DYNLRB2: variants seen among roughly 807,000 people sequenced by gnomAD.
The protein encoded by DYNLRB2 is bithoraxoid-like protein.
A neutral mutation model predicts 12.6 loss-of-function variants in DYNLRB2; 14 were observed. The ratio of observed to expected loss-of-function variants is 1.11; its 90% CI spans 0.73 to 1.73. DYNLRB2 has a LOEUF of 1.73. DYNLRB2 is among the 40% of genes most tolerant of loss of function. The probability of loss-of-function intolerance (pLI) is 0.00; values close to 1 mark genes in which losing one functional copy is unlikely to be tolerated. For synonymous variants in DYNLRB2, 53 were observed against 37.0 expected (o/e 1.43, Z -1.57); for missense variants, 142 against 117.7 (o/e 1.21, Z -0.95).
chr16:80,547,734 G>A (rs6564764), intron 2 of DYNLRB2: 404,767 of 455,140 alleles, frequency 0.89, 184,496 homozygotes, highest in Non-Finnish European at 0.98. Flanking sequence ...TGCTTGCTAC[G>A]TTTCCATTTT....
chr16:80,544,848 C>CT (rs1904352361), intron 2 of DYNLRB2: 2 of 152,220 alleles, frequency 1.3e-5, no homozygotes, highest in African/African-American at 4.8e-5. Context: ...TCACTCCGAT[C>CT]TCTGCCGCCA....
At chr16:80,542,161 A>G (rs1489771255) in intron 1 of DYNLRB2, among the ~76,000 whole-genome samples, 2 of 152,108 alleles carry the variant, frequency 1.3e-5, no homozygotes, top group Non-Finnish European at 2.9e-5. Flanking sequence ...CATTTTGTTC[A>G]TTTTGTTTGT....
rs937794731 is a variant in DYNLRB2, at chr16:80,549,915, G to A, written c.247+264G>A. 3.9e-5 allele frequency among the ~76,000 whole-genome samples: 6 copies of A among 152,190 alleles called. No individual in the cohort carries two copies. In the South Asian group the frequency reaches 8.3e-4, roughly 21 times the overall value. ...TAATGAAAAAATTTAGAAAATGTAC[G>A]TCTCATTTTCAGCAAACTTAGCATA... On this transcript the variant is annotated intron_variant, in intron 3 of 3. Coordinates refer to ENST00000305904, the MANE Select transcript of DYNLRB2 (RefSeq NM_130897.3).
At chr16:80,550,481 T>C in intron 3 of DYNLRB2, 34 bp from the exon 4 acceptor site, 1 of 1,610,854 alleles carries the variant, frequency 6.2e-7, no homozygotes, top group Non-Finnish European at 8.5e-7. Flanking sequence ...AAATTTAAAT[T>C]AAGGGTGAAT....
intron 1 of DYNLRB2, among the ~76,000 whole-genome samples, chr16:80,543,011 G>C (rs147949270): frequency 3.1e-4 from 47 of 152,330 alleles, no homozygotes; most frequent in African/African-American, 1.1e-3. Context: ...TAAAAATGGA[G>C]TGAACTCCTG....
chr16:80,542,832 G>T (rs1904299946), intron 1 of DYNLRB2, among the ~76,000 whole-genome samples: 1 of 152,146 alleles, frequency 6.6e-6, no homozygotes. Context: ...TCTCAATAAG[G>T]ACTACTTTTA....
intron 2 of DYNLRB2, among the ~76,000 whole-genome samples, chr16:80,544,087 G>A (rs1904319901): frequency 6.6e-6 from 1 of 152,170 alleles, no homozygotes; most frequent in African/African-American, 2.4e-5. Context: ...TACATAATTT[G>A]TGGTGCAACC....
chr16:80,540,909 T>C, upstream of DYNLRB2: 7 of 1,266,774 alleles, frequency 5.5e-6, no homozygotes, highest in South Asian at 1.3e-5. Context: ...CCGGGAGGCA[T>C]CAGGAGCGCG....
chr16:80,541,029 C>A lies in DYNLRB2; in HGVS notation c.-48C>A. The A allele has an allele frequency of 1.3e-6, 2 of 1,598,946 alleles. No homozygotes were observed. Among genetic ancestry groups the A allele is most frequent in the South Asian group, 1.1e-5 (1 of 89,322 alleles). ...ACGGCGGGTAGCGTTGTTGACATCC[C>A]GGGAGGCTGTGCCGCCGGCCTGAGC... On this transcript the variant is annotated 5_prime_UTR_variant, in exon 1 of 4. Coordinates refer to ENST00000305904, the MANE Select transcript of DYNLRB2 (RefSeq NM_130897.3).
chr16:80,549,426 T>G, intron 2 of DYNLRB2, 58 bp from the exon 3 acceptor site: 1 of 1,474,234 alleles, frequency 6.8e-7, no homozygotes, highest in Non-Finnish European at 9.1e-7. Context: ...ACTTCCACAC[T>G]GTACTTATTA....
chr16:80,546,794 G>A (rs1191109623), intron 2 of DYNLRB2, among the ~76,000 whole-genome samples: 1 of 152,158 alleles, frequency 6.6e-6, no homozygotes, highest in Admixed American at 6.5e-5. Flanking sequence ...AGTTTCATTA[G>A]ATTGTAACAG....
At chr16:80,547,989 T>C (rs947064904) in intron 2 of DYNLRB2, 19 of 342,214 alleles carry the variant, frequency 5.6e-5, no homozygotes, top group African/African-American at 3.5e-4. Context: ...GTCTTCAAGA[T>C]TTTTATGAAA....
chr16:80,542,249 G>T (rs538190706), intron 1 of DYNLRB2, among the ~76,000 whole-genome samples: 115 of 152,258 alleles, frequency 7.6e-4, no homozygotes, highest in African/African-American at 2.7e-3. Context: ...CTCTTAAAAT[G>T]CATTTATTTA....
At chr16:80,545,973 A>G (rs74247492) in intron 2 of DYNLRB2, among the ~76,000 whole-genome samples, 6,506 of 152,056 alleles carry the variant, frequency 0.043, 323 homozygotes, top group South Asian at 0.16. Flanking sequence ...CCAGCCTTCA[A>G]TACCCATTAA....
Position 80,541,093 on chromosome 16 carries a change from C to T in DYNLRB2, c.3+14C>T. 1.2e-6 allele frequency: 2 copies of T among 1,603,188 alleles called. No individual in the cohort carries two copies. Among genetic ancestry groups the T allele is most frequent in the Non-Finnish European group, 1.7e-6 (2 of 1,173,730 alleles). ...GCCTCCGCGATGGTAAATCTGGGGTCTCCGTCCACGCCCCGCCGTTCCAAG... is the reference window on the plus strand; with the variant it reads ...GCCTCCGCGATGGTAAATCTGGGGTTTCCGTCCACGCCCCGCCGTTCCAAG... On this transcript the variant is annotated intron_variant, in intron 1 of 3. Coordinates refer to ENST00000305904, the MANE Select transcript of DYNLRB2 (RefSeq NM_130897.3).
At chr16:80,541,842 C>G (rs1170415411) in intron 1 of DYNLRB2, among the ~76,000 whole-genome samples, 3 of 152,152 alleles carry the variant, frequency 2.0e-5, no homozygotes, top group African/African-American at 4.8e-5. Context: ...AAAGATTGCC[C>G]AAAATGCAGT....
Position 80,549,565 on chromosome 16 carries a change from A to G in DYNLRB2, c.161A>G (p.Lys54Arg). ...GLLHHLTMKA[K>R]STVRDIDPQN... ...CTTCATCACCTGACAATGAAAGCCA[A>G]AAGCACAGTTCGTGATATTGATCCT... Residue 54 changes from lysine to arginine, a missense_variant, in exon 3 of 4, where the codon AAA (lysine) becomes AGA (arginine). Coordinates refer to ENST00000305904, the MANE Select transcript of DYNLRB2 (RefSeq NM_130897.3). 6.2e-7 allele frequency: 1 copy of G among 1,613,346 alleles called. No individual in the cohort carries two copies. The highest frequency in any genetic ancestry group is 8.5e-7 in the Non-Finnish European group (1 of 1,179,470).
At chr16:80,540,965 A>G (rs990760734), upstream of DYNLRB2, 38 of 1,561,916 alleles carry the variant, frequency 2.4e-5, no homozygotes, top group South Asian at 8.2e-5. Context: ...CGCAGCCCTG[A>G]CGCTTCCGTG....
chr16:80,546,177 G>C (rs1904455406), intron 2 of DYNLRB2, among the ~76,000 whole-genome samples: 1 of 152,150 alleles, frequency 6.6e-6, no homozygotes, highest in Non-Finnish European at 1.5e-5. Flanking sequence ...AATGGCATAT[G>C]GTGTAAGCTA....
Sources: gnomAD v4.1 joint callset for allele counts (sites outside exome capture counted in the v4.1 genomes callset) on GRCh38, gnomAD v4.1.1 for gene constraint, MANE v1.5 for transcripts, NCBI Gene and HGNC (gene_info 2026-07-23, HGNC 2026-07-21) for gene names.